Variants in STK3 observed in about 807,000 individuals in gnomAD.
The protein encoded by STK3 is serine/threonine-protein kinase 3.
In STK3, 41 loss-of-function variants were observed where a neutral mutation model predicts 58.0. The ratio of observed to expected loss-of-function variants is 0.71; its 90% confidence interval spans 0.55 to 0.92. STK3 has a LOEUF of 0.92. Among genes scored for constraint, STK3 ranks in the 40% least tolerant of loss-of-function variants. The pLI, the probability that STK3 is intolerant of heterozygous loss-of-function variation, is 0.00. For synonymous variants in STK3, 170 were observed against 191.0 expected (o/e 0.89, Z 0.91); for missense variants, 479 against 602.7 (o/e 0.79, Z 2.15).
At chr8:98,462,340 T>A (rs1467983553) in intron 10 of STK3, among the ~76,000 whole-genome samples, 6 of 151,896 alleles carry the variant, frequency 4.0e-5, no homozygotes, top group Non-Finnish European at 8.8e-5. Flanking sequence ...CACAATGGAG[T>A]ACATTCGTGT....
chr8:98,891,626 T>TGTGAGA (rs1554696692), intron 1 of STK3, among the ~76,000 whole-genome samples: 14 of 148,354 alleles, frequency 9.4e-5, no homozygotes, highest in South Asian at 6.5e-4. Context: ...TGTGTGTGTG[T>TGTGAGA]GAGAGAGAGA....
At chr8:98,743,555 C>A (rs1017416331) in intron 4 of STK3, among the ~76,000 whole-genome samples, 1 of 152,106 alleles carries the variant, frequency 6.6e-6, no homozygotes, top group Admixed American at 6.5e-5. Flanking sequence ...AAACTGGATC[C>A]CTTCCTTACA....
intron 1 of STK3, among the ~76,000 whole-genome samples, chr8:98,794,710 A>G (rs1833016035): frequency 6.6e-6 from 1 of 152,088 alleles, no homozygotes; most frequent in Non-Finnish European, 1.5e-5. Context: ...GACACAAAGA[A>G]AAAAGAAAAC....
At chr8:98,377,781 T>G (rs947568149) in intron 2 of STK3, among the ~76,000 whole-genome samples, 3 of 152,132 alleles carry the variant, frequency 2.0e-5, no homozygotes, top group Admixed American at 2.0e-4. Context: ...AGCAGGGACA[T>G]GGACAAGGTG....
chr8:98,614,997 G>A (rs184793116), intron 6 of STK3, among the ~76,000 whole-genome samples: 4 of 152,198 alleles, frequency 2.6e-5, no homozygotes, highest in South Asian at 4.1e-4. Context: ...TAAGCTCCAC[G>A]TCTAGGGGCA....
chr8:98,721,070 T>G, intron 4 of STK3: 1 of 984,054 alleles, frequency 1.0e-6, no homozygotes, highest in Non-Finnish European at 1.2e-6. Context: ...GTAAGCACAC[T>G]CACCTGGCCA....
At chr8:98,645,797 TAC>T (rs1196842060) in intron 6 of STK3, among the ~76,000 whole-genome samples, 1 of 146,630 alleles carries the variant, frequency 6.8e-6, no homozygotes, top group Non-Finnish European at 1.6e-5. Context: ...TATATATATA[TAC>T]ATATATAGAT....
chr8:98,625,636 T>C (rs1818655404), intron 6 of STK3, among the ~76,000 whole-genome samples: 1 of 152,216 alleles, frequency 6.6e-6, no homozygotes, highest in South Asian at 2.1e-4. Flanking sequence ...GTAACTCATC[T>C]GTGCTTAAAC....
intron 8 of STK3, among the ~76,000 whole-genome samples, chr8:98,571,790 A>C (rs1397637415): frequency 6.6e-6 from 1 of 152,204 alleles, no homozygotes; most frequent in Non-Finnish European, 1.5e-5. Context: ...TTAACATCAA[A>C]AAGTATCCCA....
At chr8:98,527,596 G>A (rs989806770) in intron 9 of STK3, among the ~76,000 whole-genome samples, 2 of 151,632 alleles carry the variant, frequency 1.3e-5, no homozygotes, top group South Asian at 2.1e-4. Context: ...CTCCAGCCTG[G>A]GCAACAGAGC....
At chr8:98,705,051 A>AT (rs1825871879) in intron 6 of STK3, among the ~76,000 whole-genome samples, 1 of 152,216 alleles carries the variant, frequency 6.6e-6, no homozygotes, top group Non-Finnish European at 1.5e-5. Flanking sequence ...TTTTCAAACA[A>AT]TTGATGCATT....
At chr8:98,430,793 T>C (rs987780235) in intron 3 of STK3, 1 of 167,056 alleles carries the variant, frequency 6.0e-6, no homozygotes, top group South Asian at 2.1e-4. Flanking sequence ...TGCTAGTTCA[T>C]AAAATGTCAT....
Position 98,455,722 on chromosome 8 carries a change from C to A in STK3, c.*120G>T. 7.9e-7 allele frequency: 1 copy of A among 1,268,028 alleles called. No individual in the cohort carries two copies. Among genetic ancestry groups the A allele is most frequent in the Non-Finnish European group, 1.1e-6 (1 of 918,760 alleles). The allele number at this position is 1,268,028 out of a possible 1,614,324, so 78.5% of individuals were successfully genotyped here. A position where few individuals can be genotyped will look rare whatever the true frequency, so the allele number is the denominator to read the frequency against. On this transcript the variant is annotated 3_prime_UTR_variant, in exon 11 of 11. Transcript: ENST00000419617. ...TTTACCTGGGCATGTACCATTGTCA[C>A]TTTTTGACCTCTGCCTAATTGTAGG...
chr8:98,892,886 C>T (rs1359351229), intron 1 of STK3, among the ~76,000 whole-genome samples: 7 of 152,106 alleles, frequency 4.6e-5, no homozygotes, highest in South Asian at 2.1e-4. Context: ...TTATTAACAA[C>T]GTTAGCAATT....
intron 1 of STK3, among the ~76,000 whole-genome samples, chr8:98,801,724 G>C (rs538047695): frequency 6.6e-6 from 1 of 152,052 alleles, no homozygotes; most frequent in South Asian, 2.1e-4. Flanking sequence ...TCACCACAAG[G>C]GTCCACAGCT....
chr8:98,433,198 T>C (rs1286037882), intron 3 of STK3, among the ~76,000 whole-genome samples: 1 of 152,150 alleles, frequency 6.6e-6, no homozygotes, highest in African/African-American at 2.4e-5. Context: ...AATGGTCCTG[T>C]ATTCTTGTAA....
chr8:98,817,043 A>G (rs1834597749), intron 1 of STK3, among the ~76,000 whole-genome samples: 1 of 152,256 alleles, frequency 6.6e-6, no homozygotes, highest in Non-Finnish European at 1.5e-5. Flanking sequence ...TTATTTTGCA[A>G]TAAAAAGATT....
intron 10 of STK3, among the ~76,000 whole-genome samples, chr8:98,507,482 T>C (rs1303522612): frequency 2.6e-5 from 4 of 152,234 alleles, no homozygotes; most frequent in African/African-American, 9.6e-5. Flanking sequence ...CCCGGATGAC[T>C]GCTTCTACCC....
At chr8:98,882,536 C>T (rs1454172839), downstream of STK3, 1 of 152,124 alleles carries the variant, frequency 6.6e-6, no homozygotes, top group Non-Finnish European at 1.5e-5. Flanking sequence ...CTGCCCTCAG[C>T]CTCCCAAGTA....
Sources: allele counts gnomAD v4.1 joint callset (sites outside exome capture counted in the v4.1 genomes callset), GRCh38; gene constraint gnomAD v4.1.1; transcripts MANE v1.5; gene names NCBI Gene and HGNC (gene_info 2026-07-23, HGNC 2026-07-21).